Variants in SDHC observed in about 807,000 individuals in gnomAD.
The protein encoded by SDHC is succinate dehydrogenase cytochrome b560 subunit, mitochondrial.
In SDHC, 11 loss-of-function variants were observed where a neutral mutation model predicts 22.6. That is an observed-to-expected ratio of 0.49 (90% CI 0.31 to 0.81). SDHC has a LOEUF of 0.81. Among genes scored for constraint, SDHC ranks in the 30% least tolerant of loss-of-function variants. The pLI is 0.05. For missense variants in SDHC, 160 were observed against 212.0 expected, an observed-to-expected ratio of 0.75 and a Z score of 1.52; for synonymous variants, 80 against 77.8, an observed-to-expected ratio of 1.03 and a Z score of -0.15.
intron 3 of SDHC, among the ~76,000 whole-genome samples, chr1:161,338,935 G>A (rs567661270): frequency 5.3e-4 from 80 of 152,010 alleles, no homozygotes; most frequent in Non-Finnish European, 5.7e-4. Flanking sequence ...GCCAAACTCC[G>A]CCCCCCGGAT....
At chr1:161,348,458 C>T (rs1012117692) in intron 4 of SDHC, among the ~76,000 whole-genome samples, 1 of 151,722 alleles carries the variant, frequency 6.6e-6, no homozygotes, top group Non-Finnish European at 1.5e-5. Flanking sequence ...TGCGCCTGGC[C>T]TGCAATGTTT....
chr1:161,336,148 TTC>T (rs1420999739), intron 3 of SDHC, among the ~76,000 whole-genome samples: 7 of 152,280 alleles, frequency 4.6e-5, no homozygotes, highest in African/African-American at 1.7e-4. Flanking sequence ...TCGTGAAACT[TTC>T]TTTTTTAAGA....
intron 1 of SDHC, among the ~76,000 whole-genome samples, chr1:161,318,281 C>T (rs1002471421): frequency 1.3e-5 from 2 of 152,104 alleles, no homozygotes; most frequent in Admixed American, 1.3e-4. Context: ...CCCCCTCCCC[C>T]GCATATAAAC....
chr1:161,336,216 T>C lies in SDHC; in HGVS notation c.180-4378T>C, dbSNP rs527963626. 1.6e-3 allele frequency among the ~76,000 whole-genome samples: 249 copies of C among 152,288 alleles called. 3 individuals carry two copies. The highest frequency in any genetic ancestry group is 1.9e-4 in the East Asian group (1 of 5,190). ...GCTCATGCCTGTAATCCCAGCACTT[T>C]GAGATGCCAAGGTGGGTGGATCATG... On this transcript the variant is annotated intron_variant, in intron 3 of 5. Transcript: ENST00000367975.
chr1:161,334,315 C>A (rs568911238), intron 3 of SDHC, among the ~76,000 whole-genome samples: 2 of 150,490 alleles, frequency 1.3e-5, no homozygotes, highest in Non-Finnish European at 3.0e-5. Context: ...CTTCTGTGAG[C>A]CTCTTCTGCT....
At chr1:161,330,996 CAAAAAAAAAAA>C (rs61295520) in intron 3 of SDHC, among the ~76,000 whole-genome samples, 1 of 102,254 alleles carries the variant, frequency 9.8e-6, no homozygotes, top group Non-Finnish European at 2.2e-5. Context: ...GCTCTGTTTC[CAAAAAAAAAAA>C]AAAAAAAAGA....
At chr1:161,340,682 A>G (rs1026679669) in intron 4 of SDHC, 27 bp downstream of exon 4, 52 of 1,599,664 alleles carry the variant, frequency 3.3e-5, no homozygotes, top group Non-Finnish European at 4.2e-5. Flanking sequence ...TTACACACAC[A>G]TATGTGCTTC....
At chr1:161,355,736 C>T (rs912171459) in intron 4 of SDHC, among the ~76,000 whole-genome samples, 2 of 152,114 alleles carry the variant, frequency 1.3e-5, no homozygotes, top group African/African-American at 2.4e-5. Flanking sequence ...GTAATCCCAG[C>T]GCTTTGGGAG....
chr1:161,316,963 T>C (rs1357190540), intron 1 of SDHC, among the ~76,000 whole-genome samples: 5 of 152,062 alleles, frequency 3.3e-5, no homozygotes, highest in Admixed American at 6.5e-5. Flanking sequence ...AAGAGAAATA[T>C]TGGTTAAACT....
At chr1:161,322,360 A>G (rs990217318) in intron 1 of SDHC, among the ~76,000 whole-genome samples, 3 of 152,210 alleles carry the variant, frequency 2.0e-5, no homozygotes, top group African/African-American at 4.8e-5. Flanking sequence ...ATTTTTAAGT[A>G]GAAAACTTTC....
intron 3 of SDHC, among the ~76,000 whole-genome samples, chr1:161,338,299 CCTT>C (rs1671571901): frequency 6.6e-6 from 1 of 152,110 alleles, no homozygotes; most frequent in South Asian, 2.1e-4. Flanking sequence ...TGGGAATACT[CCTT>C]TCTTACTTAC....
At chr1:161,356,656 G>A (rs1672283192) in intron 4 of SDHC, 21 bp from the exon 5 acceptor site, 1 of 1,613,326 alleles carries the variant, frequency 6.2e-7, no homozygotes, top group East Asian at 2.2e-5. Context: ...GCTGTGACAA[G>A]CTACTTGGTT....
chr1:161,334,440 G>A (rs115751802), intron 3 of SDHC, among the ~76,000 whole-genome samples: 4 of 152,066 alleles, frequency 2.6e-5, no homozygotes, highest in South Asian at 2.1e-4. Flanking sequence ...GGGTCTCGCT[G>A]TGTTGCCCAG....
chr1:161,349,492 A>G (rs1672030533), intron 4 of SDHC, among the ~76,000 whole-genome samples: 1 of 152,130 alleles, frequency 6.6e-6, no homozygotes, highest in South Asian at 2.1e-4. Context: ...AATAAAAAAT[A>G]AAATAAAAAC....
rs1468963689 is a variant in SDHC at position 161,317,603 on chromosome 1, C to T, written c.20+3178C>T. 5.0e-5 allele frequency among the ~76,000 whole-genome samples: 7 copies of T among 140,358 alleles called. No homozygotes were observed. In the Admixed American group the frequency reaches 5.1e-4, roughly 10 times the overall value. The allele number at this position is 140,358 out of a possible 152,430, so 92.1% of individuals were successfully genotyped here. A position where few individuals can be genotyped will look rare whatever the true frequency, so the allele number is the denominator to read the frequency against. ...TTGAGACAGAGTCTCACCCTGTCGC[C>T]CAGGCTGGAGTGCAGTGGCGCAATC... On this transcript the variant is annotated intron_variant, in intron 1 of 5. Transcript: ENST00000367975.
chr1:161,362,467 A>C lies in SDHC; in HGVS notation c.*34A>C. 1 of 1,612,478 alleles carries C rather than the reference A, an allele frequency of 6.2e-7. No homozygotes were observed. Among genetic ancestry groups the C allele is most frequent in the Non-Finnish European group, 8.5e-7 (1 of 1,179,442 alleles). ...GGCTCCCAGCATCATCTTCCTACAC[A>C]TTATTACATTCACCCATCTTTCTGT... On this transcript the variant is annotated 3_prime_UTR_variant, in exon 6 of 6. Coordinates refer to ENST00000367975, the MANE Select transcript of SDHC (RefSeq NM_003001.5).
chr1:161,318,140 G>C (rs75630286), intron 1 of SDHC, among the ~76,000 whole-genome samples: 17,696 of 151,170 alleles, frequency 0.12, 1,401 homozygotes, highest in African/African-American at 0.22. Context: ...CCACTGCACT[G>C]CAGCCTGGGC....
chr1:161,328,305 T>A (rs1671141558), intron 2 of SDHC, 91 bp from the exon 3 acceptor site: 1 of 1,031,568 alleles, frequency 9.7e-7, no homozygotes, highest in Admixed American at 1.7e-5. Context: ...CCTGGCTTGG[T>A]ATTGCAAAAT....
intron 1 of SDHC, chr1:161,314,646 G>A (rs1163644298): frequency 1.3e-5 from 8 of 602,936 alleles, no homozygotes; most frequent in African/African-American, 1.1e-4. Flanking sequence ...TCGTATCGAG[G>A]GGCCCTCGGC....
Sources: gnomAD v4.1 joint callset for allele counts (sites outside exome capture counted in the v4.1 genomes callset) on GRCh38, gnomAD v4.1.1 for gene constraint, MANE v1.5 for transcripts, NCBI Gene and HGNC (gene_info 2026-07-23, HGNC 2026-07-21) for gene names.